PBX1: variants seen among roughly 807,000 people sequenced by gnomAD.
The protein encoded by PBX1 is pre-B-cell leukemia transcription factor 1.
In PBX1, 6 loss-of-function variants were observed where a neutral mutation model predicts 53.4. The ratio of observed to expected loss-of-function variants is 0.11; its 90% CI spans 0.06 to 0.22. The LOEUF is 0.22. PBX1 is among the 10% of genes least tolerant of loss of function. The pLI is 1.00. For missense variants in PBX1, 251 were observed against 551.4 expected, an observed-to-expected ratio of 0.46 and a Z score of 5.46; for synonymous variants, 204 against 212.3, an observed-to-expected ratio of 0.96 and a Z score of 0.34.
At chr1:164,861,587 G>A (rs894823491) in intron 2 of PBX1, among the ~76,000 whole-genome samples, 8 of 152,144 alleles carry the variant, frequency 5.3e-5, no homozygotes, top group East Asian at 1.9e-4. Context: ...AGGGATCTTA[G>A]GTTCCAGCAG....
At chr1:164,603,172 T>TC (rs1212027359) in intron 2 of PBX1, among the ~76,000 whole-genome samples, 1 of 151,930 alleles carries the variant, frequency 6.6e-6, no homozygotes, top group African/African-American at 2.4e-5. Flanking sequence ...CATTTTTTTT[T>TC]TTCTTTTCCT....
chr1:164,614,154 G>A (rs530870708), intron 2 of PBX1, among the ~76,000 whole-genome samples: 2 of 152,272 alleles, frequency 1.3e-5, no homozygotes, highest in African/African-American at 4.8e-5. Context: ...TGGGACCTTC[G>A]GTGATTGGGT....
At chr1:164,730,982 A>T (rs2102136739) in intron 2 of PBX1, among the ~76,000 whole-genome samples, 1 of 152,348 alleles carries the variant, frequency 6.6e-6, no homozygotes, top group South Asian at 2.1e-4. Context: ...GCAAAAACAT[A>T]ATGCATAGAG....
At chr1:164,619,788 A>G (rs572501484) in intron 2 of PBX1, among the ~76,000 whole-genome samples, 1 of 152,306 alleles carries the variant, frequency 6.6e-6, no homozygotes, top group African/African-American at 2.4e-5. Flanking sequence ...CTGTTTTTAG[A>G]TCCAGAAGTA....
At chr1:164,603,315 A>G (rs1395040138) in intron 2 of PBX1, among the ~76,000 whole-genome samples, 1 of 152,188 alleles carries the variant, frequency 6.6e-6, no homozygotes, top group Non-Finnish European at 1.5e-5. Flanking sequence ...ATTTTGAATA[A>G]CTGCCTGAGT....
rs947924341 is a variant in PBX1 at position 164,826,531 on chromosome 1, AG to A, written c.1200+4906del. On this transcript the variant is annotated intron_variant, in intron 8 of 8. Coordinates refer to ENST00000420696, the MANE Select transcript of PBX1 (RefSeq NM_002585.4). Reference sequence around the variant, plus strand: ...GCGATTCTTGTGCCTCAGCCTCCTAAGTAGCCGGGATTACAGGTTTGCACCA... The same window carrying A: ...GCGATTCTTGTGCCTCAGCCTCCTAATAGCCGGGATTACAGGTTTGCACCA... Among the ~76,000 whole-genome samples, 53 of 151,984 alleles carry A rather than the reference AG, an allele frequency of 3.5e-4. 1 individual carries two copies. Among genetic ancestry groups the A allele is most frequent in the Admixed American group, 2.1e-3 (32 of 15,268 alleles).
intron 2 of PBX1, among the ~76,000 whole-genome samples, chr1:164,689,232 C>G (rs1370029733): frequency 6.6e-6 from 1 of 152,164 alleles, no homozygotes; most frequent in Non-Finnish European, 1.5e-5. Context: ...GGAAGAAGCC[C>G]TAATGAGGGA....
At chr1:164,802,135 T>C (rs959038275) in intron 4 of PBX1, among the ~76,000 whole-genome samples, 2 of 152,264 alleles carry the variant, frequency 1.3e-5, no homozygotes, top group East Asian at 3.8e-4. Context: ...AATAGGTGTG[T>C]AGAATTGAGT....
intron 2 of PBX1, among the ~76,000 whole-genome samples, chr1:164,761,605 C>A (rs1349220854): frequency 1.3e-5 from 2 of 152,098 alleles, no homozygotes; most frequent in Non-Finnish European, 2.9e-5. Flanking sequence ...CCACCATGCC[C>A]GGCTAATTTT....
In PBX1 at chr1:164,569,241, C is replaced by T. The variant is rs534980315; in HGVS notation, c.265+5930C>T. Among the ~76,000 whole-genome samples, 8 of 152,290 alleles carry T rather than the reference C, an allele frequency of 5.3e-5. 1 individual carries two copies. Among genetic ancestry groups the T allele is most frequent in the African/African-American group, 1.9e-4 (8 of 41,560 alleles). On this transcript the variant is annotated intron_variant, in intron 2 of 8. Coordinates refer to ENST00000420696, the MANE Select transcript of PBX1 (RefSeq NM_002585.4). The stretch of plus-strand genomic sequence containing the variant: ...AGTTTGTATCCTAGATCTTTTACTT[C>T]TTAACTGTCTGGCCTTATTCAAGTT...
chr1:164,668,270 A>G (rs1660918012), intron 2 of PBX1, among the ~76,000 whole-genome samples: 1 of 152,118 alleles, frequency 6.6e-6, no homozygotes, highest in Non-Finnish European at 1.5e-5. Flanking sequence ...TACCTAAGCA[A>G]TTTGTAAGGG....
chr1:164,729,400 A>G (rs1664867762), intron 2 of PBX1, among the ~76,000 whole-genome samples: 2 of 152,114 alleles, frequency 1.3e-5, no homozygotes, highest in African/African-American at 4.8e-5. Context: ...TATCATCCAA[A>G]AACATTTTGT....
At chr1:164,667,873 G>A (rs1660893035) in intron 2 of PBX1, among the ~76,000 whole-genome samples, 1 of 152,164 alleles carries the variant, frequency 6.6e-6, no homozygotes, top group Non-Finnish European at 1.5e-5. Flanking sequence ...CACACTTCCT[G>A]TATTGTTGTT....
chr1:164,659,587 C>T lies in PBX1; in HGVS notation c.265+96276C>T, dbSNP rs78850863. Among the ~76,000 whole-genome samples the T allele has an allele frequency of 8.5e-3, 1,291 of 152,274 alleles. 5 individuals are homozygous for T. The highest frequency in any genetic ancestry group is 0.013 in the Admixed American group (200 of 15,294). ...AAGCAGCAGGTGAGTTTGGGAAGGA[C>T]ATCTTTTTGCTATGTGAGTGGACAC... On this transcript the variant is annotated intron_variant, in intron 2 of 8. Transcript: ENST00000420696.
In PBX1 at chr1:164,865,300, C is replaced by T. The variant is rs1672191689; in HGVS notation, n.257+33817C>T. ...CTGCCCTAAAGCATTCTCAAAGGAA[C>T]ATCTCAAGGTTTGCTTCTAGAATCA... On this transcript the variant is annotated intron_variant and non_coding_transcript_variant, in intron 2 of 2. Coordinates refer to the PBX1 transcript ENST00000558796. Among the ~76,000 whole-genome samples the T allele has an allele frequency of 2.0e-5, 3 of 152,194 alleles. No homozygotes were observed. The South Asian group carries it at 6.2e-4, about 32-fold the overall frequency.
intron 2 of PBX1, among the ~76,000 whole-genome samples, chr1:164,712,258 C>G (rs951468896): frequency 1.3e-5 from 2 of 150,796 alleles, no homozygotes; most frequent in Admixed American, 1.3e-4. Flanking sequence ...CCACTCGTTA[C>G]AATTAAAATG....
intron 2 of PBX1, among the ~76,000 whole-genome samples, chr1:164,690,132 C>T (rs189619436): frequency 1.7e-4 from 26 of 152,238 alleles, no homozygotes; most frequent in Admixed American, 9.8e-4. Context: ...GCATCCTGAC[C>T]GGCTCCTCCT....
intron 2 of PBX1, among the ~76,000 whole-genome samples, chr1:164,865,384 C>G (rs1672193776): frequency 6.6e-6 from 1 of 152,170 alleles, no homozygotes; most frequent in South Asian, 2.1e-4. Context: ...CCCGAACCAG[C>G]TGGATAAGAA....
chr1:164,875,988 G>GTGTATATATATATATATA (rs776802784), intron 2 of PBX1, among the ~76,000 whole-genome samples: 8 of 56,948 alleles, frequency 1.4e-4, no homozygotes, highest in South Asian at 1.8e-3. Flanking sequence ...TGGTGTATGT[G>GTGTATATATATATATATA]TATATATATA....
Sources: gnomAD v4.1 joint callset for allele counts (sites outside exome capture counted in the v4.1 genomes callset) on GRCh38, gnomAD v4.1.1 for gene constraint, MANE v1.5 for transcripts, NCBI Gene and HGNC (gene_info 2026-07-23, HGNC 2026-07-21) for gene names.